The following MCF2L variants were observed in gnomAD, a reference collection of about 807,000 sequenced individuals.
MCF2L encodes the protein guanine nucleotide exchange factor DBS.
MCF2L carries 97 observed loss-of-function variants against 153.4 expected under a neutral mutation model. The observed-to-expected ratio is 0.63, with a 90% CI of 0.54 to 0.75. The LOEUF (loss-of-function observed/expected upper bound fraction) is 0.75. Among genes scored for constraint, MCF2L ranks in the 30% least tolerant of loss-of-function variants. The pLI, the probability that MCF2L is intolerant of heterozygous loss-of-function variation, is 0.00. For missense variants in MCF2L, 1,347 were observed against 1,495.2 expected, an observed-to-expected ratio of 0.90 and a Z score of 1.64; for synonymous variants, 659 against 632.2, an observed-to-expected ratio of 1.04 and a Z score of -0.64.
chr13:113,052,815 ATC>A (rs113040359), intron 4 of MCF2L: 9,867 of 152,158 alleles, frequency 0.065, 577 homozygotes, highest in East Asian at 0.29. Context: ...ATGTACACAC[ATC>A]ACACAGACAC....
chr13:113,083,900 G>A lies in MCF2L; in HGVS notation c.1992-98G>A, dbSNP rs537276674. The A allele has an allele frequency of 2.4e-5, 21 of 888,230 alleles. No homozygotes were observed. The South Asian group carries it at 2.7e-4, about 11-fold the overall frequency. The allele number at this position is 888,230 out of a possible 1,614,324, so 55.0% of individuals were successfully genotyped here. On this transcript the variant is annotated intron_variant, in intron 17 of 29. Transcript: ENST00000535094. ...ATGCGGGGCAGATTGCCCAGAGCAA[G>A]GCGTAACAGGCTTCTGAAAAATGAC...
intron 1 of MCF2L, among the ~76,000 whole-genome samples, chr13:112,980,217 C>T (rs1300995971): frequency 6.6e-6 from 1 of 152,268 alleles, no homozygotes; most frequent in African/African-American, 2.4e-5. Flanking sequence ...AGGAACAGCA[C>T]GTTTGCTCGG....
At chr13:112,945,978 G>A (rs943402803) in intron 2 of MCF2L, among the ~76,000 whole-genome samples, 3 of 152,116 alleles carry the variant, frequency 2.0e-5, no homozygotes, top group Admixed American at 6.5e-5. Flanking sequence ...GAGCTGCTGC[G>A]TGTTCAGACC....
chr13:113,054,224 C>T lies in MCF2L; in HGVS notation c.370-6369C>T, dbSNP rs970193812. Reference sequence around the variant, plus strand: ...CTCCAGGTCTGCTTCCCGTGAAATTCGTGGAGATTATTGTACATTCGGGAG... The same window carrying T: ...CTCCAGGTCTGCTTCCCGTGAAATTTGTGGAGATTATTGTACATTCGGGAG... On this transcript the variant is annotated intron_variant, in intron 4 of 29. Coordinates refer to ENST00000535094, the MANE Select transcript of MCF2L (RefSeq NM_001112732.3). The surrounding 1 kb of genome is among the most constrained non-coding windows in gnomAD (Gnocchi z 5.2). 6.0e-5 allele frequency: 10 copies of T among 167,632 alleles called. 1 individual carries two copies. The highest frequency in any genetic ancestry group is 2.2e-4 in the African/African-American group (9 of 41,446). 10.4% of individuals were successfully genotyped at this position (167,632 alleles called of 1,614,324 possible). A position where few individuals can be genotyped will look rare whatever the true frequency, so the allele number is the denominator to read the frequency against.
At chr13:113,052,573 G>T in intron 4 of MCF2L, 1 of 166,814 alleles carries the variant, frequency 6.0e-6, no homozygotes. Flanking sequence ...AGTGAAGGTC[G>T]GATCAGGAGG....
rs1450475580 is a variant in MCF2L, at chr13:112,989,873, G to A, written c.79+20415G>A. On this transcript the variant is annotated intron_variant, in intron 1 of 29. Transcript: ENST00000535094. ...TTTCATGGAAGATAACTTTTCCACA[G>A]ATCAGGGGTAGGGATGGTTTCAGGG... Among the ~76,000 whole-genome samples, 4 of 152,362 alleles carry A rather than the reference G, an allele frequency of 2.6e-5. No individual in the cohort carries two copies. In the South Asian group the frequency reaches 8.3e-4, roughly 32 times the overall value.
intron 26 of MCF2L, chr13:113,091,340 A>G (rs2035191536): frequency 1.7e-6 from 1 of 601,776 alleles, no homozygotes; most frequent in South Asian, 1.8e-5. Flanking sequence ...GGTTGTGTTC[A>G]ATGTGTGATG....
At chr13:113,024,239 T>G (rs1008114024) in intron 2 of MCF2L, among the ~76,000 whole-genome samples, 1 of 152,256 alleles carries the variant, frequency 6.6e-6, no homozygotes, top group African/African-American at 2.4e-5. Context: ...TGGAATATTA[T>G]GCAATATTTA....
chr13:112,996,086 C>T (rs1594548742), intron 1 of MCF2L, among the ~76,000 whole-genome samples: 1 of 152,174 alleles, frequency 6.6e-6, no homozygotes, highest in East Asian at 1.9e-4. Context: ...CCCGAAGCCA[C>T]CAGACTCATG....
upstream of MCF2L, among the ~76,000 whole-genome samples, chr13:112,966,344 G>A (rs1380162455): frequency 2.6e-5 from 4 of 152,326 alleles, no homozygotes; most frequent in African/African-American, 9.6e-5. The surrounding 1 kb of genome is among the most constrained non-coding windows in gnomAD (Gnocchi z 4.1). Flanking sequence ...GGAGAGTTGG[G>A]TTGCAGTCCA....
chr13:112,939,986 C>A (rs1233509986), intron 2 of MCF2L, among the ~76,000 whole-genome samples: 1 of 149,744 alleles, frequency 6.7e-6, no homozygotes, highest in Non-Finnish European at 1.5e-5. Flanking sequence ...AAAAAAAGTT[C>A]TAGGCAGGTG....
chr13:112,950,153 C>A (rs1426192290), intron 2 of MCF2L, among the ~76,000 whole-genome samples: 149 of 151,166 alleles, frequency 9.9e-4, no homozygotes, highest in Non-Finnish European at 1.5e-4. Flanking sequence ...TTTAAAATTA[C>A]AAAAAAAAAC....
chr13:112,917,136 T>C (rs1030722682), intron 2 of MCF2L: 2 of 471,018 alleles, frequency 4.2e-6, no homozygotes, highest in Non-Finnish European at 8.8e-6. Flanking sequence ...CTCAGTCCCC[T>C]GGCTTGTGAC....
chr13:112,902,097 C>G, intron 1 of MCF2L: 3 of 841,268 alleles, frequency 3.6e-6, no homozygotes, highest in Non-Finnish European at 5.7e-6. Flanking sequence ...GAATAAATAC[C>G]ACGAAGGTTG....
chr13:112,920,527 C>T (rs1395134808), intron 2 of MCF2L, among the ~76,000 whole-genome samples: 3 of 152,076 alleles, frequency 2.0e-5, no homozygotes, highest in Non-Finnish European at 2.9e-5. Flanking sequence ...TGTGGATGGC[C>T]GGTGACCCCA....
At chr13:112,923,358 G>T (rs888981920) in intron 2 of MCF2L, among the ~76,000 whole-genome samples, 3 of 148,748 alleles carry the variant, frequency 2.0e-5, no homozygotes, top group African/African-American at 7.5e-5. Context: ...CCGCCTCCTG[G>T]GTTGACGCCA....
intron 2 of MCF2L, among the ~76,000 whole-genome samples, chr13:112,923,374 C>T (rs1229552329): frequency 2.0e-5 from 3 of 149,894 alleles, no homozygotes; most frequent in Admixed American, 6.7e-5. Context: ...CGCCATTCTC[C>T]TGCCTCAGCC....
chr13:112,979,487 C>G (rs941868063), intron 1 of MCF2L: 2 of 1,435,648 alleles, frequency 1.4e-6, no homozygotes, highest in African/African-American at 2.9e-5. Context: ...TTGGCGAAGC[C>G]CAGAGTCACC....
rs572915413 is a variant in MCF2L at position 113,001,814 on chromosome 13, C to T, written c.80-12949C>T. On this transcript the variant is annotated intron_variant, in intron 1 of 29. Coordinates refer to ENST00000535094, the MANE Select transcript of MCF2L (RefSeq NM_001112732.3). Reference sequence around the variant, plus strand: ...CCAGGAAGGTGTGGCGTCCCCGCTTCGCGGCCAAGATGGTGCTGGTGCTGC... The same window carrying T: ...CCAGGAAGGTGTGGCGTCCCCGCTTTGCGGCCAAGATGGTGCTGGTGCTGC... 93 of 1,448,006 alleles carry T rather than the reference C, an allele frequency of 6.4e-5. 1 individual carries two copies. The South Asian group carries it at 8.8e-4, about 14-fold the overall frequency. The allele number at this position is 1,448,006 out of a possible 1,614,324, so 89.7% of individuals were successfully genotyped here. A position where few individuals can be genotyped will look rare whatever the true frequency, so the allele number is the denominator to read the frequency against.
Sources: gnomAD v4.1 joint callset for allele counts (sites outside exome capture counted in the v4.1 genomes callset) on GRCh38, gnomAD v4.1.1 for gene constraint, Gnocchi (gnomAD v3.1) non-coding constraint, MANE v1.5 for transcripts, NCBI Gene and HGNC (gene_info 2026-07-23, HGNC 2026-07-21) for gene names.